The following SGCD variants were observed in gnomAD, a reference collection of about 807,000 sequenced individuals.
The protein encoded by SGCD is sarcoglycan delta.
Under a neutral mutation model 36.6 loss-of-function variants are expected in SGCD, and 18 were observed. That is an observed-to-expected ratio of 0.49 (90% CI 0.34 to 0.73). The LOEUF (loss-of-function observed/expected upper bound fraction) is 0.73, where lower values mean the gene tolerates loss of function less well. SGCD is among the 30% of genes least tolerant of loss of function. The pLI is 0.01. For synonymous variants in SGCD, 133 were observed against 130.6 expected (o/e 1.02, Z -0.12); for missense variants, 387 against 346.7 (o/e 1.12, Z -0.92).
chr5:156,698,443 A>T (rs1022508010), intron 7 of SGCD, among the ~76,000 whole-genome samples: 7 of 152,246 alleles, frequency 4.6e-5, no homozygotes, highest in Non-Finnish European at 1.0e-4. Context: ...GCTTTAAAAT[A>T]TTCCAACCCT....
intron 4 of SGCD, among the ~76,000 whole-genome samples, chr5:156,569,948 G>A (rs770779764): frequency 2.0e-5 from 3 of 152,172 alleles, no homozygotes; most frequent in South Asian, 4.1e-4. Flanking sequence ...CTTGTAGTTA[G>A]GAGTTTGAAT....
At chr5:155,950,319 G>T (rs1188741681) in intron 1 of SGCD, among the ~76,000 whole-genome samples, 1 of 152,080 alleles carries the variant, frequency 6.6e-6, no homozygotes, top group Non-Finnish European at 1.5e-5. Context: ...AAATAGTCAA[G>T]AGAGTCTCTG....
At chr5:156,005,136 T>C (rs1321280175) in intron 1 of SGCD, among the ~76,000 whole-genome samples, 1 of 152,092 alleles carries the variant, frequency 6.6e-6, no homozygotes, top group African/African-American at 2.4e-5. Flanking sequence ...AGGTGGATAA[T>C]AGGAAATTAA....
At chr5:156,269,646 T>G (rs1766118066) in intron 3 of SGCD, among the ~76,000 whole-genome samples, 1 of 152,018 alleles carries the variant, frequency 6.6e-6, no homozygotes, top group South Asian at 2.1e-4. Flanking sequence ...AAGTTGAGAT[T>G]TGGGTGGGGA....
chr5:156,409,235 TTTCC>T (rs377332747), intron 3 of SGCD, among the ~76,000 whole-genome samples: 1 of 152,262 alleles, frequency 6.6e-6, no homozygotes, highest in Non-Finnish European at 1.5e-5. Flanking sequence ...AAACCCCTTT[TTTCC>T]TTCCTTTCCT....
At chr5:156,678,442 C>A (rs1313743005) in intron 7 of SGCD, among the ~76,000 whole-genome samples, 1 of 152,084 alleles carries the variant, frequency 6.6e-6, no homozygotes, top group Non-Finnish European at 1.5e-5. Flanking sequence ...TATACTACTG[C>A]ACCAAAAAAA....
At chr5:156,591,935 A>C (rs1402428002) in intron 5 of SGCD, among the ~76,000 whole-genome samples, 1 of 152,110 alleles carries the variant, frequency 6.6e-6, no homozygotes, top group Non-Finnish European at 1.5e-5. Context: ...TAAAACTACC[A>C]ATTACTGAGC....
intron 8 of SGCD, 192 bp downstream of exon 8, chr5:156,757,896 C>CTTAT (rs1757402489): frequency 1.5e-6 from 2 of 1,316,406 alleles, no homozygotes; most frequent in African/African-American, 3.0e-5. Flanking sequence ...GTGATGATTT[C>CTTAT]TTATTTGTAA....
chr5:155,783,774 G>A, the SGCD span, among the ~76,000 whole-genome samples: 7 of 152,040 alleles, frequency 4.6e-5, no homozygotes, highest in Non-Finnish European at 1.0e-4. Context: ...GTGGAAGCTC[G>A]CCTAAAGCAT....
At chr5:155,888,579 G>T (rs967199436) in intron 1 of SGCD, among the ~76,000 whole-genome samples, 1 of 152,188 alleles carries the variant, frequency 6.6e-6, no homozygotes, top group Admixed American at 6.5e-5. Context: ...TAGTCGTAGA[G>T]AAGTATGATT....
intron 1 of SGCD, among the ~76,000 whole-genome samples, chr5:155,950,559 A>G (rs528730039): frequency 5.2e-4 from 79 of 152,278 alleles, no homozygotes; most frequent in Non-Finnish European, 7.5e-4. Flanking sequence ...TGAGCACCAT[A>G]CCAATCAAAT....
intron 6 of SGCD, among the ~76,000 whole-genome samples, chr5:156,644,919 A>C (rs1019482691): frequency 9.3e-6 from 1 of 107,358 alleles, no homozygotes; most frequent in Non-Finnish European, 2.0e-5. Flanking sequence ...AGTGGAGTGC[A>C]TTTGAGATTT....
intron 7 of SGCD, among the ~76,000 whole-genome samples, chr5:156,682,828 G>A (rs115879008): frequency 0.017 from 2,641 of 152,202 alleles, 33 homozygotes; most frequent in Non-Finnish European, 0.029. Flanking sequence ...CATTAGTACC[G>A]TACCGAAGGT....
At chr5:156,134,489 C>T (rs1762405520) in intron 3 of SGCD, among the ~76,000 whole-genome samples, 1 of 152,110 alleles carries the variant, frequency 6.6e-6, no homozygotes, top group African/African-American at 2.4e-5. Context: ...TAGAAACATG[C>T]CATGTCCTTT....
chr5:156,069,708 CT>C (rs1222681972), intron 1 of SGCD, among the ~76,000 whole-genome samples: 1 of 150,204 alleles, frequency 6.7e-6, no homozygotes, highest in Non-Finnish European at 1.5e-5. Flanking sequence ...TATAAATTCC[CT>C]TGGGCAGTAT....
intron 4 of SGCD, among the ~76,000 whole-genome samples, chr5:156,530,636 G>A (rs11951311): frequency 0.041 from 6,148 of 150,418 alleles, 424 homozygotes; most frequent in African/African-American, 0.14. Context: ...CTGGAATGCA[G>A]TGGTGCAATC....
intron 7 of SGCD, among the ~76,000 whole-genome samples, chr5:156,689,845 T>C (rs1192167391): frequency 6.6e-6 from 1 of 152,216 alleles, no homozygotes; most frequent in Admixed American, 6.5e-5. Context: ...CATTATGTGT[T>C]CATCCAAATA....
the SGCD span, among the ~76,000 whole-genome samples, chr5:155,833,076 A>G: frequency 1.5e-5 from 2 of 136,646 alleles, no homozygotes; most frequent in African/African-American, 2.7e-5. Flanking sequence ...AAAAAAGAAA[A>G]AAAATTAGCC....
chr5:156,735,131 A>G (rs1756284577), intron 7 of SGCD, among the ~76,000 whole-genome samples: 2 of 152,280 alleles, frequency 1.3e-5, no homozygotes, highest in Admixed American at 6.5e-5. Context: ...TGGAGGTATC[A>G]CCAGTGAAGG....
Sources: gnomAD v4.1 joint callset for allele counts (sites outside exome capture counted in the v4.1 genomes callset) on GRCh38, gnomAD v4.1.1 for gene constraint, MANE v1.5 for transcripts, NCBI Gene and HGNC (gene_info 2026-07-23, HGNC 2026-07-21) for gene names.